DCC: variants seen among roughly 807,000 people sequenced by gnomAD.
DCC encodes netrin receptor DCC.
DCC carries 58 observed loss-of-function variants against 172.5 expected under a neutral mutation model. The ratio of observed to expected loss-of-function variants is 0.34; its 90% CI spans 0.27 to 0.42. The LOEUF (loss-of-function observed/expected upper bound fraction) is 0.42, where lower values mean the gene tolerates loss of function less well. Ranked by LOEUF, DCC falls within the 10% of genes least tolerant of loss-of-function variation. The pLI is 1.00. For missense variants in DCC, 1,740 were observed against 1,791.0 expected, an observed-to-expected ratio of 0.97 and a Z score of 0.51; for synonymous variants, 709 against 644.5, an observed-to-expected ratio of 1.10 and a Z score of -1.52.
intron 1 of DCC, among the ~76,000 whole-genome samples, chr18:52,443,542 T>C (rs1240134673): frequency 6.6e-6 from 1 of 152,166 alleles, no homozygotes; most frequent in Non-Finnish European, 1.5e-5. Flanking sequence ...CATAGGAGTT[T>C]CCCAGACAGG....
At chr18:53,134,451 C>G (rs912503911) in intron 7 of DCC, among the ~76,000 whole-genome samples, 1 of 152,092 alleles carries the variant, frequency 6.6e-6, no homozygotes, top group Admixed American at 6.6e-5. Context: ...AAATAACATA[C>G]ACTCCTCTCA....
intron 2 of DCC, among the ~76,000 whole-genome samples, chr18:52,901,147 C>G (rs78577444): frequency 1.5e-4 from 23 of 152,126 alleles, no homozygotes; most frequent in Non-Finnish European, 2.5e-4. Context: ...AAATAACCAT[C>G]ATGGGCTGTG....
chr18:52,878,484 ATCC>A (rs900085842), intron 2 of DCC, among the ~76,000 whole-genome samples: 3 of 152,122 alleles, frequency 2.0e-5, no homozygotes, highest in Non-Finnish European at 2.9e-5. Flanking sequence ...TCCCCAAGGT[ATCC>A]TCATATTTAG....
At chr18:53,262,337 G>A (rs1481612273) in intron 12 of DCC, among the ~76,000 whole-genome samples, 1 of 152,142 alleles carries the variant, frequency 6.6e-6, no homozygotes, top group Non-Finnish European at 1.5e-5. Context: ...TCTAATATTT[G>A]AGAGTCCATT....
chr18:52,950,664 C>T (rs982410673), intron 5 of DCC, among the ~76,000 whole-genome samples: 4 of 152,070 alleles, frequency 2.6e-5, no homozygotes, highest in Non-Finnish European at 4.4e-5. Context: ...GTGGCTCACG[C>T]CTGTAATTCC....
At chr18:52,875,300 A>G (rs2039387017) in intron 2 of DCC, among the ~76,000 whole-genome samples, 1 of 152,130 alleles carries the variant, frequency 6.6e-6, no homozygotes, top group African/African-American at 2.4e-5. Context: ...TCCTCCTAAA[A>G]GATAATTAAA....
At chr18:52,750,882 C>T (rs2036983832) in intron 1 of DCC, among the ~76,000 whole-genome samples, 1 of 151,650 alleles carries the variant, frequency 6.6e-6, no homozygotes, top group African/African-American at 2.4e-5. Context: ...CTAATGAAGT[C>T]AAGGTTGCTA....
chr18:52,822,265 C>T (rs951295625), intron 2 of DCC, among the ~76,000 whole-genome samples: 1 of 152,114 alleles, frequency 6.6e-6, no homozygotes, highest in Non-Finnish European at 1.5e-5. Flanking sequence ...CAGGCAATAC[C>T]ACTGAAATGC....
chr18:53,132,076 A>T (rs2144322486), intron 7 of DCC, among the ~76,000 whole-genome samples: 1 of 148,450 alleles, frequency 6.7e-6, no homozygotes, highest in East Asian at 2.0e-4. Context: ...TTTTATAGTG[A>T]AAGTGTGTCT....
intron 2 of DCC, among the ~76,000 whole-genome samples, chr18:52,858,829 G>GA (rs1164064325): frequency 6.6e-6 from 1 of 152,200 alleles, no homozygotes; most frequent in Non-Finnish European, 1.5e-5. Context: ...CAGGCCCCTG[G>GA]AATGGGGCAG....
intron 3 of DCC, among the ~76,000 whole-genome samples, chr18:52,913,386 A>G (rs566770217): frequency 2.6e-4 from 40 of 152,224 alleles, no homozygotes; most frequent in African/African-American, 9.6e-4. Context: ...ACGGACATCA[A>G]CAAGGCTCAG....
At chr18:52,642,102 A>T (rs1198936577) in intron 1 of DCC, among the ~76,000 whole-genome samples, 1 of 147,658 alleles carries the variant, frequency 6.8e-6, no homozygotes, top group African/African-American at 2.5e-5. Flanking sequence ...ACACACTCAC[A>T]CACACATACA....
chr18:53,003,661 A>G (rs2143851850), intron 5 of DCC, among the ~76,000 whole-genome samples: 1 of 152,174 alleles, frequency 6.6e-6, no homozygotes, highest in African/African-American at 2.4e-5. Flanking sequence ...TCAGACTCCA[A>G]TTTATGGTGA....
At chr18:52,558,159 T>G (rs1401063894) in intron 1 of DCC, among the ~76,000 whole-genome samples, 1 of 151,922 alleles carries the variant, frequency 6.6e-6, no homozygotes, top group African/African-American at 2.4e-5. Context: ...TTATTGAAAA[T>G]TTAATATCAT....
intron 5 of DCC, among the ~76,000 whole-genome samples, chr18:53,013,640 A>G (rs2143889932): frequency 6.6e-6 from 1 of 151,920 alleles, no homozygotes; most frequent in South Asian, 2.1e-4. Context: ...GCAAACCACC[A>G]TGACACACGT....
intron 27 of DCC, among the ~76,000 whole-genome samples, chr18:53,514,181 C>A (rs541508219): frequency 6.6e-6 from 1 of 152,232 alleles, no homozygotes; most frequent in African/African-American, 2.4e-5. Flanking sequence ...GGAAACTGAA[C>A]AACCTGCTCC....
chr18:53,196,573 C>T (rs981592441), intron 9 of DCC, among the ~76,000 whole-genome samples: 4 of 152,034 alleles, frequency 2.6e-5, no homozygotes, highest in Non-Finnish European at 5.9e-5. Context: ...CAGGGAGTCA[C>T]TGAAGTTTTT....
At chr18:52,683,922 TG>T (rs1374702091) in intron 1 of DCC, among the ~76,000 whole-genome samples, 2 of 152,124 alleles carry the variant, frequency 1.3e-5, no homozygotes, top group Non-Finnish European at 2.9e-5. Context: ...GCAAATCATA[TG>T]GATGCATTTG....
At chr18:53,052,569 C>A (rs750865523) in intron 5 of DCC, among the ~76,000 whole-genome samples, 2 of 152,050 alleles carry the variant, frequency 1.3e-5, no homozygotes, top group African/African-American at 2.4e-5. Context: ...CTTGGGATCC[C>A]TTAAGCTCCA....
Sources: allele counts gnomAD v4.1 joint callset (sites outside exome capture counted in the v4.1 genomes callset), GRCh38; gene constraint gnomAD v4.1.1; transcripts MANE v1.5; gene names NCBI Gene and HGNC (gene_info 2026-07-23, HGNC 2026-07-21).